Variants in RIN2 observed in about 807,000 individuals in gnomAD.
The protein encoded by RIN2 is RAB5 interacting protein 2.
In RIN2, 36 loss-of-function variants were observed where a neutral mutation model predicts 78.0. The observed-to-expected ratio is 0.46, with a 90% confidence interval of 0.35 to 0.61. The LOEUF is 0.61. RIN2 is among the 20% of genes least tolerant of loss of function. RIN2 has a pLI of 0.00. For missense variants in RIN2, 1,087 were observed against 1,159.7 expected (o/e 0.94, Z 0.91); for synonymous variants, 466 against 466.8 (o/e 1.00, Z 0.02).
intron 2 of RIN2, among the ~76,000 whole-genome samples, chr20:19,863,266 T>C (rs940608946): frequency 6.6e-6 from 1 of 152,242 alleles, no homozygotes; most frequent in African/African-American, 2.4e-5. Context: ...GTCTCATTTC[T>C]ATAACATTTG....
In RIN2 at chr20:19,974,910, T is replaced by C; in HGVS notation, c.885T>C (p.Thr295=). 1 of 1,613,582 alleles carries C rather than the reference T, an allele frequency of 6.2e-7. No homozygotes were observed. Among genetic ancestry groups the C allele is most frequent in the Non-Finnish European group, 8.5e-7 (1 of 1,179,720 alleles). The part of the protein sequence containing the change: ...SGGLKRPSTR[T]PNANGTERTR... ...GCCTGAAACGGCCGAGCACAAGGAC[T>C]CCCAACGCGAATGGCACGGAGCGGA... Residue 295 remains threonine (T), a synonymous_variant, in exon 9 of 13, where the codon ACT becomes ACC. Transcript: ENST00000255006.
chr20:19,915,156 C>A (rs567429288), intron 3 of RIN2, among the ~76,000 whole-genome samples: 6 of 152,082 alleles, frequency 3.9e-5, no homozygotes, highest in Admixed American at 2.6e-4. Context: ...AGACAGAATA[C>A]GAATGCAAGT....
At chr20:19,771,722 C>T (rs1568737500) in intron 1 of RIN2, among the ~76,000 whole-genome samples, 1 of 152,186 alleles carries the variant, frequency 6.6e-6, no homozygotes, top group Admixed American at 6.5e-5. Context: ...TTCCTTTCTT[C>T]TCCTCTCTGA....
chr20:19,890,991 G>A (rs1213547176), intron 3 of RIN2, among the ~76,000 whole-genome samples: 1 of 152,188 alleles, frequency 6.6e-6, no homozygotes, highest in African/African-American at 2.4e-5. Flanking sequence ...TAAGTGAGCT[G>A]TTTTCCCAGG....
chr20:19,831,285 C>G (rs6075579), intron 2 of RIN2, among the ~76,000 whole-genome samples: 1 of 152,230 alleles, frequency 6.6e-6, no homozygotes, highest in Admixed American at 6.5e-5. Context: ...ATTTTTTAAC[C>G]TGAAAAAATT....
chr20:19,826,110 A>ATAATT (rs11473836), intron 2 of RIN2, among the ~76,000 whole-genome samples: 61,499 of 151,770 alleles, frequency 0.41, 12,729 homozygotes, highest in Middle Eastern at 0.51. Context: ...ATTTTTAACA[A>ATAATT]TAACTTGCAA....
chr20:19,981,405 C>A (rs2042449351), intron 9 of RIN2, among the ~76,000 whole-genome samples: 1 of 152,230 alleles, frequency 6.6e-6, no homozygotes, highest in Admixed American at 6.5e-5. Flanking sequence ...AGATTCCCTT[C>A]TTTCCATACT....
intron 2 of RIN2, among the ~76,000 whole-genome samples, chr20:19,865,122 A>G (rs1176524294): frequency 6.6e-6 from 1 of 152,206 alleles, no homozygotes; most frequent in Non-Finnish European, 1.5e-5. Flanking sequence ...GCCAATTTCC[A>G]TGGTGTAAAT....
chr20:19,833,480 T>G (rs1370096941), intron 2 of RIN2, among the ~76,000 whole-genome samples: 2 of 152,178 alleles, frequency 1.3e-5, no homozygotes, highest in Non-Finnish European at 2.9e-5. Flanking sequence ...AACCTATATT[T>G]TTTAAAAGCC....
intron 2 of RIN2, among the ~76,000 whole-genome samples, chr20:19,858,135 T>A (rs750867688): frequency 5.3e-5 from 8 of 149,550 alleles, no homozygotes; most frequent in African/African-American, 7.5e-5. Flanking sequence ...TAAAAAAAAA[T>A]ATTAAGATGG....
rs759893964 is a variant in RIN2, at chr20:20,000,753, C to T, written c.2505C>T (p.Ser835=). The T allele has an allele frequency of 6.2e-7, 1 of 1,613,982 alleles. No homozygotes were observed. Among genetic ancestry groups the T allele is most frequent in the African/African-American group, 1.3e-5 (1 of 75,018 alleles). Residue 835 remains serine (S), a synonymous_variant, in exon 13 of 13, where the codon AGC becomes AGT. Coordinates refer to ENST00000255006, the MANE Select transcript of RIN2 (RefSeq NM_018993.4). The part of the protein sequence containing the change: ...KFKVGDPEEY[S]LFLFVDETWQ... Reference sequence around the variant, plus strand: ...AGGTGGGGGACCCTGAGGAGTACAGCCTCTTTCTCTTCGTTGACGAGACAT... The same window carrying T: ...AGGTGGGGGACCCTGAGGAGTACAGTCTCTTTCTCTTCGTTGACGAGACAT...
chr20:19,776,163 T>C (rs959901255), intron 1 of RIN2, among the ~76,000 whole-genome samples: 2 of 152,094 alleles, frequency 1.3e-5, no homozygotes, highest in Non-Finnish European at 2.9e-5. Flanking sequence ...AAAAACTAGC[T>C]CAGGCCATGA....
At chr20:19,978,081 G>C (rs1471117259) in intron 9 of RIN2, among the ~76,000 whole-genome samples, 1 of 152,114 alleles carries the variant, frequency 6.6e-6, no homozygotes, top group Non-Finnish European at 1.5e-5. Flanking sequence ...CACTTTATTA[G>C]ATTAGGCCTC....
chr20:19,967,912 T>G (rs1217088149), intron 7 of RIN2, among the ~76,000 whole-genome samples: 1 of 152,130 alleles, frequency 6.6e-6, no homozygotes. Flanking sequence ...CCCTATAAAT[T>G]AGGATGATGA....
chr20:19,886,686 C>A, intron 2 of RIN2: 1 of 1,455,494 alleles, frequency 6.9e-7, no homozygotes, highest in Non-Finnish European at 9.1e-7. Flanking sequence ...GACTCATTTT[C>A]TCAAGAATCC....
chr20:19,948,527 T>A (rs2041187939), intron 4 of RIN2, among the ~76,000 whole-genome samples: 1 of 152,166 alleles, frequency 6.6e-6, no homozygotes, highest in South Asian at 2.1e-4. Flanking sequence ...CCCGAGTAGC[T>A]GGGACTACAG....
intron 2 of RIN2, among the ~76,000 whole-genome samples, chr20:19,864,559 C>T (rs574405368): frequency 2.9e-4 from 44 of 152,326 alleles, no homozygotes; most frequent in African/African-American, 9.9e-4. Context: ...TTCCAATACA[C>T]TTCTCCTTTG....
intron 2 of RIN2, among the ~76,000 whole-genome samples, chr20:19,874,842 ATTATTTTATT>A (rs66498005): frequency 0.35 from 53,252 of 151,256 alleles, 9,537 homozygotes; most frequent in Middle Eastern, 0.54. Context: ...TATTTTTAAA[ATTATTTTATT>A]TTATTTTATT....
rs577346140 is a variant in RIN2 at position 19,871,161 on chromosome 20, T to C, written c.-36-18405T>C. ...AGGAGGGATATCTTAAAAGCTTTCA[T>C]TGTGGTCTGATGGGAGCAGATCTGG... On this transcript the variant is annotated intron_variant, in intron 2 of 12. Coordinates refer to ENST00000255006, the MANE Select transcript of RIN2 (RefSeq NM_018993.4). Among the ~76,000 whole-genome samples the C allele has an allele frequency of 2.6e-5, 4 of 152,310 alleles. No homozygotes were observed. In the South Asian group the frequency reaches 6.2e-4, roughly 24 times the overall value.
Sources: allele counts gnomAD v4.1 joint callset (sites outside exome capture counted in the v4.1 genomes callset), GRCh38; gene constraint gnomAD v4.1.1; transcripts MANE v1.5; gene names NCBI Gene and HGNC (gene_info 2026-07-23, HGNC 2026-07-21).